Variants in UBE2W observed in about 807,000 individuals in gnomAD.
The protein encoded by UBE2W is ubiquitin conjugating enzyme E2 W.
UBE2W carries 18 observed loss-of-function variants against 27.2 expected under a neutral mutation model. The ratio of observed to expected loss-of-function variants is 0.66; its 90% CI spans 0.46 to 0.98. UBE2W has a LOEUF of 0.98. Among genes scored for constraint, UBE2W ranks in the 50% least tolerant of loss-of-function variants. The pLI is 0.00. For synonymous variants in UBE2W, 53 were observed against 57.2 expected (o/e 0.93, Z 0.33); for missense variants, 90 against 180.2 (o/e 0.50, Z 2.87).
chr8:73,847,784 C>G (rs2130941831), intron 1 of UBE2W, among the ~76,000 whole-genome samples: 1 of 152,172 alleles, frequency 6.6e-6, no homozygotes, highest in South Asian at 2.1e-4. Context: ...CACCTGTAAT[C>G]CCAGCTACTC....
At chr8:73,874,152 C>A (rs1227416758) in intron 1 of UBE2W, among the ~76,000 whole-genome samples, 2 of 152,158 alleles carry the variant, frequency 1.3e-5, no homozygotes, top group African/African-American at 4.8e-5. Flanking sequence ...AAAAACACGG[C>A]CGGGCGCGGT....
chr8:73,840,738 T>C (rs1393464280), intron 1 of UBE2W, among the ~76,000 whole-genome samples: 1 of 152,054 alleles, frequency 6.6e-6, no homozygotes, highest in East Asian at 1.9e-4. Context: ...GTAAGTCAAC[T>C]CTCCGATACT....
Position 73,792,057 on chromosome 8 carries a change from C to T in UBE2W, c.*2045G>A. On this transcript the variant is annotated 3_prime_UTR_variant, in exon 6 of 6. Transcript: ENST00000602593. ...CCAGCAATATGGAGACAGATTTCTC[C>T]CTAACCCCCAGAAGAAGATCAAGTC... 1.0e-6 allele frequency: 1 copy of T among 985,170 alleles called. No homozygotes were observed. The highest frequency in any genetic ancestry group is 1.2e-6 in the Non-Finnish European group (1 of 829,772). The allele number at this position is 985,170 out of a possible 1,614,324, so 61.0% of individuals were successfully genotyped here.
At chr8:73,831,657 T>C (rs1810067458) in intron 1 of UBE2W, 2 of 152,158 alleles carry the variant, frequency 1.3e-5, no homozygotes, top group African/African-American at 4.8e-5. Flanking sequence ...CCAGCCGTCC[T>C]TCTGCCTGAG....
chr8:73,802,677 G>A (rs1345792854), intron 5 of UBE2W, among the ~76,000 whole-genome samples: 1 of 151,036 alleles, frequency 6.6e-6, no homozygotes, highest in East Asian at 2.0e-4. Flanking sequence ...TCACCCTGAG[G>A]TCAGGAGTTC....
At chr8:73,819,996 T>C (rs1809542193) in intron 3 of UBE2W, among the ~76,000 whole-genome samples, 1 of 152,232 alleles carries the variant, frequency 6.6e-6, no homozygotes, top group Non-Finnish European at 1.5e-5. Context: ...TTTTTTTTAT[T>C]AGAGATGGGG....
chr8:73,844,348 C>G (rs1441261820), intron 1 of UBE2W, among the ~76,000 whole-genome samples: 2 of 152,186 alleles, frequency 1.3e-5, no homozygotes, highest in African/African-American at 4.8e-5. Context: ...AGGGTTTCGC[C>G]GTGTTGGCTG....
At position 73,788,374 on chromosome 8, in the gene UBE2W, C is replaced by T; in HGVS notation, c.*5728G>A. On this transcript the variant is annotated 3_prime_UTR_variant, in exon 6 of 6. Coordinates refer to ENST00000602593, the MANE Select transcript of UBE2W (RefSeq NM_018299.6). ...TTCATTCCTATTAATAAAATGCACACTCTGTAGTTCTGAATAATAAAAGGA... is the reference window on the plus strand; with the variant it reads ...TTCATTCCTATTAATAAAATGCACATTCTGTAGTTCTGAATAATAAAAGGA... 1.0e-6 allele frequency: 1 copy of T among 985,394 alleles called. No homozygotes were observed. Among genetic ancestry groups the T allele is most frequent in the South Asian group, 4.7e-5 (1 of 21,286 alleles). The allele number at this position is 985,394 out of a possible 1,614,324, so 61.0% of individuals were successfully genotyped here.
At chr8:73,807,578 G>A (rs1808968479) in intron 4 of UBE2W, among the ~76,000 whole-genome samples, 1 of 152,088 alleles carries the variant, frequency 6.6e-6, no homozygotes, top group Admixed American at 6.5e-5. Context: ...CACAATTTGA[G>A]AAAATTCCTA....
intron 1 of UBE2W, among the ~76,000 whole-genome samples, chr8:73,870,679 T>C (rs1811966935): frequency 6.6e-6 from 1 of 151,548 alleles, no homozygotes; most frequent in Non-Finnish European, 1.5e-5. Context: ...AAATAGAAAA[T>C]AAGCTAATTA....
intron 1 of UBE2W, among the ~76,000 whole-genome samples, chr8:73,850,561 CAGAA>C (rs1201510550): frequency 6.6e-6 from 1 of 151,498 alleles, no homozygotes; most frequent in African/African-American, 2.4e-5. Context: ...TGATAAAAGT[CAGAA>C]AGAATTACTA....
At chr8:73,797,455 G>A (rs1442757697) in intron 5 of UBE2W, among the ~76,000 whole-genome samples, 1 of 152,164 alleles carries the variant, frequency 6.6e-6, no homozygotes, top group African/African-American at 2.4e-5. Flanking sequence ...ACAAAGACTT[G>A]TTAATCAGCA....
At chr8:73,837,202 G>A (rs929356562) in intron 1 of UBE2W, among the ~76,000 whole-genome samples, 1 of 152,144 alleles carries the variant, frequency 6.6e-6, no homozygotes, top group African/African-American at 2.4e-5. Context: ...GTTAAAATAT[G>A]GAAAAAGTGC....
chr8:73,854,764 A>T (rs1287273037), intron 1 of UBE2W, among the ~76,000 whole-genome samples: 2 of 152,188 alleles, frequency 1.3e-5, no homozygotes, highest in Non-Finnish European at 2.9e-5. Flanking sequence ...GAAAACCCAC[A>T]TGTAACTTCC....
At chr8:73,855,202 A>G (rs2130958130) in intron 1 of UBE2W, among the ~76,000 whole-genome samples, 1 of 152,306 alleles carries the variant, frequency 6.6e-6, no homozygotes, top group East Asian at 1.9e-4. Flanking sequence ...AATGAAAAAT[A>G]CACCAGAATA....
rs1809111700 is a variant in UBE2W at position 73,810,564 on chromosome 8, T to C, written c.276A>G (p.Leu92=). The C allele has an allele frequency of 6.2e-7, 1 of 1,612,686 alleles. No individual in the cohort carries two copies. The highest frequency in any genetic ancestry group is 1.1e-5 in the South Asian group (1 of 91,014). ...GGGACCAGTCTTCTGTTAGAATGGA[T>C]AAACAGATATGACCATTGCTATAAA... ...PHVYSNGHIC[L]SILTEDWSPA... Residue 92 remains leucine, a synonymous_variant, in exon 4 of 6, where the codon TTA becomes TTG. Transcript: ENST00000602593.
chr8:73,792,720 T>C lies in UBE2W; in HGVS notation c.*1382A>G. 2.0e-6 allele frequency: 2 copies of C among 984,768 alleles called. No individual in the cohort carries two copies. The highest frequency in any genetic ancestry group is 2.4e-6 in the Non-Finnish European group (2 of 828,940). The allele number at this position is 984,768 out of a possible 1,614,324, so 61.0% of individuals were successfully genotyped here. On this transcript the variant is annotated 3_prime_UTR_variant, in exon 6 of 6. Transcript: ENST00000602593. ...AAAGGTAATTTATAAAATACATTAA[T>C]CACTTTTTAAAAAGAACTTAGTTGT...
intron 1 of UBE2W, among the ~76,000 whole-genome samples, chr8:73,876,216 C>A (rs1304311146): frequency 6.6e-6 from 1 of 150,958 alleles, no homozygotes; most frequent in Non-Finnish European, 1.5e-5. Flanking sequence ...ACATAGAGGT[C>A]CCCCAAAAGA....
chr8:73,786,976 T>A lies in UBE2W; in HGVS notation c.*7126A>T, dbSNP rs1182848785. ...CAGCCATCTATATTAGGATCTTGTC[T>A]AATGACATATATTCACCCACATTAA... On this transcript the variant is annotated 3_prime_UTR_variant, in exon 6 of 6. Transcript: ENST00000602593. 1 of 985,170 alleles carries A rather than the reference T, an allele frequency of 1.0e-6. No homozygotes were observed. Among genetic ancestry groups the A allele is most frequent in the Non-Finnish European group, 1.2e-6 (1 of 829,774 alleles). The allele number at this position is 985,170 out of a possible 1,614,324, so 61.0% of individuals were successfully genotyped here.
Sources: allele counts gnomAD v4.1 joint callset (sites outside exome capture counted in the v4.1 genomes callset), GRCh38; gene constraint gnomAD v4.1.1; transcripts MANE v1.5; gene names NCBI Gene and HGNC (gene_info 2026-07-23, HGNC 2026-07-21).